The following UNC80 variants were observed in gnomAD, a reference collection of about 807,000 sequenced individuals.
UNC80 encodes the protein protein unc-80 homolog.
A neutral mutation model predicts 384.6 loss-of-function variants in UNC80; 164 were observed. The ratio of observed to expected loss-of-function variants is 0.43; its 90% CI spans 0.38 to 0.49. The LOEUF is 0.49. UNC80 is among the 20% of genes least tolerant of loss of function. The probability of loss-of-function intolerance (pLI) is 0.00; values close to 1 mark genes in which losing one functional copy is unlikely to be tolerated. For synonymous variants in UNC80, 1,486 were observed against 1,527.8 expected, an observed-to-expected ratio of 0.97 and a Z score of 0.64; for missense variants, 3,330 against 4,143.0, an observed-to-expected ratio of 0.80 and a Z score of 5.39.
At chr2:209,899,405 G>T (rs1431923651) in intron 28 of UNC80, among the ~76,000 whole-genome samples, 1 of 152,166 alleles carries the variant, frequency 6.6e-6, no homozygotes, top group East Asian at 1.9e-4. Context: ...TGTCATGTAT[G>T]CAGACAGTGT....
At position 209,793,528 on chromosome 2, in the gene UNC80, A is replaced by T. The variant is rs77093310; in HGVS notation, c.799-192A>T. On this transcript the variant is annotated intron_variant, in intron 6 of 64. Transcript: ENST00000673920. ...GCTTGAAATGACACAGGTGATCCCT[A>T]GAAATCTGTTTCTATTCTCCCTGAG... is the stretch of plus-strand genomic sequence containing the variant. 3.0e-4 allele frequency among the ~76,000 whole-genome samples: 45 copies of T among 152,348 alleles called. No homozygotes were observed. The East Asian group carries it at 8.7e-3, about 29-fold the overall frequency.
At chr2:209,787,089 C>A (rs1286713381) in intron 5 of UNC80, among the ~76,000 whole-genome samples, 2 of 112,802 alleles carry the variant, frequency 1.8e-5, no homozygotes, top group African/African-American at 9.9e-5. Context: ...TTTGTGCAGA[C>A]AATGGACAAT....
chr2:209,979,704 C>CT (rs1162204562), intron 59 of UNC80, among the ~76,000 whole-genome samples: 1 of 152,136 alleles, frequency 6.6e-6, no homozygotes, highest in African/African-American at 2.4e-5. Context: ...TTTCAGGGGT[C>CT]TTAATATTGC....
At chr2:209,951,918 T>C (rs1274056115) in intron 47 of UNC80, among the ~76,000 whole-genome samples, 1 of 152,190 alleles carries the variant, frequency 6.6e-6, no homozygotes, top group Non-Finnish European at 1.5e-5. Context: ...CTGTTCTGTC[T>C]TGATGTTTTC....
chr2:209,821,972 T>C lies in UNC80; in HGVS notation c.2331+1293T>C, dbSNP rs138833780. Reference sequence around the variant, plus strand: ...ATTTTTCTTACATGTTATCATATTTTCACATCTGAGCAAGCGTTGCAATAC... The same window carrying C: ...ATTTTTCTTACATGTTATCATATTTCCACATCTGAGCAAGCGTTGCAATAC... On this transcript the variant is annotated intron_variant, in intron 13 of 64. Coordinates refer to ENST00000673920, the MANE Select transcript of UNC80 (RefSeq NM_001371986.1). Among the ~76,000 whole-genome samples, 298 of 152,300 alleles carry C rather than the reference T, an allele frequency of 2.0e-3. 2 individuals carry two copies. The highest frequency in any genetic ancestry group is 6.7e-3 in the African/African-American group (277 of 41,568).
Position 209,772,062 on chromosome 2 carries a change from G to C in UNC80, c.-11G>C, listed in dbSNP as rs1056158935. On this transcript the variant is annotated 5_prime_UTR_variant, in exon 1 of 65. Coordinates refer to ENST00000673920, the MANE Select transcript of UNC80 (RefSeq NM_001371986.1). Reference sequence around the variant, plus strand: ...CTGGGTCCTGCAGTAGGACTCCCGGGAGCCACCATTATGGTGAAGAGGAAG... The same window carrying C: ...CTGGGTCCTGCAGTAGGACTCCCGGCAGCCACCATTATGGTGAAGAGGAAG... 1 of 1,546,928 alleles carries C rather than the reference G, an allele frequency of 6.5e-7. No homozygotes were observed. The highest frequency in any genetic ancestry group is 1.4e-5 in the African/African-American group (1 of 72,966).
At position 209,904,899 on chromosome 2, in the gene UNC80, T is replaced by C. The variant is rs760611481; in HGVS notation, c.4716T>C (p.Ser1572=). 1.9e-6 allele frequency: 3 copies of C among 1,551,762 alleles called. No homozygotes were observed. The highest frequency in any genetic ancestry group is 2.4e-5 in the South Asian group (2 of 84,060). ...CCATCAAGCTACTCTATGGAGACAG[T>C]GTGGACTCCCTGAGGGAAAGCAGCA... ...VRAIKLLYGD[S]VDSLRESSNI... is the part of the protein sequence containing the mutation. Residue 1572 remains serine (S), a synonymous_variant, in exon 29 of 65, where the codon AGT becomes AGC. Coordinates refer to ENST00000673920, the MANE Select transcript of UNC80 (RefSeq NM_001371986.1).
rs1034835246 is a variant in UNC80, at chr2:209,851,820, C to T, written c.3627+2197C>T. 9.9e-5 allele frequency among the ~76,000 whole-genome samples: 15 copies of T among 152,160 alleles called. No individual in the cohort carries two copies. In the South Asian group the frequency reaches 1.2e-3, roughly 13 times the overall value. On this transcript the variant is annotated intron_variant, in intron 22 of 64. Coordinates refer to ENST00000673920, the MANE Select transcript of UNC80 (RefSeq NM_001371986.1). ...CAAAGGATGGAGCCAGACTGGAACCCGGGTCTATCTTCCAAGCCCTTCAGT... is the reference window on the plus strand; with the variant it reads ...CAAAGGATGGAGCCAGACTGGAACCTGGGTCTATCTTCCAAGCCCTTCAGT...
intron 55 of UNC80, 45 bp from the exon 56 acceptor site, chr2:209,973,019 T>C: frequency 6.6e-7 from 1 of 1,524,850 alleles, no homozygotes; most frequent in Non-Finnish European, 8.9e-7. Flanking sequence ...GTCTACCTTG[T>C]GATGTTTTTC....
intron 29 of UNC80, among the ~76,000 whole-genome samples, chr2:209,908,146 C>T (rs2088479422): frequency 6.6e-6 from 1 of 152,184 alleles, no homozygotes; most frequent in African/African-American, 2.4e-5. Flanking sequence ...GATAAATGAA[C>T]AGTGCCCACA....
At chr2:209,943,324 G>T in intron 44 of UNC80, 56 bp from the exon 45 acceptor site, 3 of 1,543,500 alleles carry the variant, frequency 1.9e-6, no homozygotes, top group Non-Finnish European at 2.6e-6. Context: ...TTAAAAGCGA[G>T]TACAACTTTG....
chr2:209,945,302 AT>A, intron 46 of UNC80, 113 bp downstream of exon 46: 1 of 1,120,134 alleles, frequency 8.9e-7, no homozygotes, highest in Non-Finnish European at 1.2e-6. Context: ...ATATAACTAA[AT>A]CAAAGTAGCA....
Position 209,834,067 on chromosome 2 carries a change from G to A in UNC80, c.2841G>A (p.Arg947=), listed in dbSNP as rs2081179814. Residue 947 remains arginine (R), a synonymous_variant, in exon 17 of 65, where the codon AGG becomes AGA. Transcript: ENST00000673920. ...AAGAGGCTCATGGGAATGTCTTCAG[G>A]AGAGTGGCCCTCAGCGCTCTGCTTG... ...FIKEAHGNVF[R]RVALSALLDS... The A allele has an allele frequency of 5.8e-6, 9 of 1,551,750 alleles. No homozygotes were observed. In the South Asian group the frequency reaches 9.5e-5, roughly 16 times the overall value.
At chr2:209,917,747 C>T in intron 31 of UNC80, 30 bp from the exon 32 acceptor site, 1 of 1,550,274 alleles carries the variant, frequency 6.5e-7, no homozygotes, top group Non-Finnish European at 8.7e-7. Flanking sequence ...ATTTTAAAAG[C>T]ATAGCTGATG....
Position 209,829,361 on chromosome 2 carries a change from A to G in UNC80, c.2608A>G (p.Met870Val), listed in dbSNP as rs1257866838. 25 of 1,551,144 alleles carry G rather than the reference A, an allele frequency of 1.6e-5. No individual in the cohort carries two copies. The highest frequency in any genetic ancestry group is 4.1e-5 in the African/African-American group (3 of 73,004). Residue 870 changes from methionine (M) to valine (V), a missense_variant, in exon 15 of 65, where the codon ATG becomes GTG. Physicochemically the swap from Met to Val is conservative, Grantham distance 21. Transcript: ENST00000673920. ...DFLHALLGFCMEPVTDNKAGF... is the reference protein window; with the variant it reads ...DFLHALLGFCVEPVTDNKAGF... ...CTTGCATGCTTTGCTAGGATTTTGTATGGAGCCGGTCACTGACAGTAAGTA... is the reference window on the plus strand; with the variant it reads ...CTTGCATGCTTTGCTAGGATTTTGTGTGGAGCCGGTCACTGACAGTAAGTA...
In UNC80 at chr2:209,786,537, G is replaced by A. The variant is rs543975453; in HGVS notation, c.724+348G>A. The stretch of plus-strand genomic sequence containing the variant: ...CTGGCACATAGTAAGTGGCAGCTGC[G>A]ATTATTATTATTATTATGTTATCAT... On this transcript the variant is annotated intron_variant, in intron 5 of 64. Coordinates refer to ENST00000673920, the MANE Select transcript of UNC80 (RefSeq NM_001371986.1). Among the ~76,000 whole-genome samples the A allele has an allele frequency of 1.2e-4, 19 of 152,130 alleles. No homozygotes were observed. In the South Asian group the frequency reaches 2.9e-3, roughly 23 times the overall value.
chr2:209,817,567 G>C (rs564690389), intron 10 of UNC80, among the ~76,000 whole-genome samples: 7 of 152,004 alleles, frequency 4.6e-5, no homozygotes, highest in African/African-American at 1.7e-4. Context: ...ACAGCTAGCT[G>C]GGCCACAACA....
intron 7 of UNC80, among the ~76,000 whole-genome samples, chr2:209,801,956 T>A (rs1008142060): frequency 6.6e-6 from 1 of 152,224 alleles, no homozygotes; most frequent in Non-Finnish European, 1.5e-5. Context: ...AGTTGAATAA[T>A]CTTCTGCTGG....
intron 7 of UNC80, among the ~76,000 whole-genome samples, chr2:209,800,789 G>C (rs1020227673): frequency 3.3e-5 from 5 of 152,020 alleles, no homozygotes; most frequent in African/African-American, 1.2e-4. Context: ...ATAACTTCTT[G>C]ATTTCTGCCT....
Sources: allele counts gnomAD v4.1 joint callset (sites outside exome capture counted in the v4.1 genomes callset), GRCh38; gene constraint gnomAD v4.1.1; transcripts MANE v1.5; gene names NCBI Gene and HGNC (gene_info 2026-07-23, HGNC 2026-07-21).